The following ADAMTS17 variants were observed in gnomAD, a reference collection of about 807,000 sequenced individuals.
ADAMTS17 encodes the protein A disintegrin and metalloproteinase with thrombospondin motifs 17.
ADAMTS17 carries 113 observed loss-of-function variants against 141.5 expected under a neutral mutation model. That is an observed-to-expected ratio of 0.80 (90% CI 0.69 to 0.93). ADAMTS17 has a LOEUF of 0.93. Ranked by LOEUF, ADAMTS17 falls within the 40% of genes least tolerant of loss-of-function variation. The pLI, the probability that ADAMTS17 is intolerant of heterozygous loss-of-function variation, is 0.00. For missense variants in ADAMTS17, 1,659 were observed against 1,517.9 expected (o/e 1.09, Z -1.54); for synonymous variants, 768 against 630.6 (o/e 1.22, Z -3.27).
Position 100,096,359 on chromosome 15 carries a change from T to C in ADAMTS17, c.2134A>G (p.Thr712Ala). The change falls in exon 15 of 22, where the codon ACA becomes GCA. Residue 712 changes from threonine (T) to alanine (A), a missense_variant. Coordinates refer to ENST00000268070, the MANE Select transcript of ADAMTS17 (RefSeq NM_139057.4). ...AGCCCCATGGGCCAACACTCACCTG[T>C]CCCCCGGGCGTGGCTGAAGTCGCCC... Reference protein sequence around the residue: ...VKGDFSHARGTALKDSGKGSI... With the variant: ...VKGDFSHARGAALKDSGKGSI... The C allele has an allele frequency of 6.2e-7, 1 of 1,613,572 alleles. No individual in the cohort carries two copies.
In ADAMTS17 at chr15:100,341,882, C is replaced by T; in HGVS notation, c.18G>A (p.Leu6=). ...GCACGGGCAGGACGAGCGGAGGCAG[C>T]AGGGCGCCGTCACACATGGTACCCG... The part of the protein sequence containing the change: MCDGA[L]LPPLVLPVLL... The change falls in exon 1 of 22, where the codon CTG becomes CTA. Residue 6 remains leucine, a synonymous_variant. Transcript: ENST00000268070. 1 of 1,551,586 alleles carries T rather than the reference C, an allele frequency of 6.4e-7. No individual in the cohort carries two copies. Among genetic ancestry groups the T allele is most frequent in the East Asian group, 2.4e-5 (1 of 40,964 alleles).
intron 18 of ADAMTS17, among the ~76,000 whole-genome samples, chr15:100,021,301 C>G (rs149582534): frequency 6.0e-4 from 92 of 152,252 alleles, no homozygotes; most frequent in African/African-American, 2.2e-3. Flanking sequence ...AAAGACCAGA[C>G]ATGCAGGGTT....
intron 18 of ADAMTS17, among the ~76,000 whole-genome samples, chr15:100,043,388 C>T (rs747737187): frequency 2.6e-5 from 4 of 152,158 alleles, no homozygotes; most frequent in Non-Finnish European, 4.4e-5. Context: ...AGGCAGAAAT[C>T]GAATATTTAT....
chr15:100,065,669 AG>A (rs1281665357), intron 15 of ADAMTS17, among the ~76,000 whole-genome samples: 1 of 152,224 alleles, frequency 6.6e-6, no homozygotes, highest in African/African-American at 2.4e-5. Flanking sequence ...CTGTGAGAAC[AG>A]GATAGGTATC....
intron 18 of ADAMTS17, among the ~76,000 whole-genome samples, chr15:100,007,389 C>T (rs1467566020): frequency 6.7e-6 from 1 of 150,268 alleles, no homozygotes; most frequent in Non-Finnish European, 1.5e-5. Flanking sequence ...GCAGTGGTGG[C>T]AAGGGGACAA....
At chr15:100,080,980 G>A (rs2034695460) in intron 15 of ADAMTS17, among the ~76,000 whole-genome samples, 1 of 152,150 alleles carries the variant, frequency 6.6e-6, no homozygotes, top group Non-Finnish European at 1.5e-5. Flanking sequence ...TGTGATGGTT[G>A]ATACTGAGTG....
In ADAMTS17 at chr15:99,993,522, C is replaced by T. The variant is rs1016012957; in HGVS notation, c.2797-322G>A. 6.6e-6 allele frequency among the ~76,000 whole-genome samples: 1 copy of T among 152,080 alleles called. No individual in the cohort carries two copies. The highest frequency in any genetic ancestry group is 2.4e-5 in the African/African-American group (1 of 41,400). On this transcript the variant is annotated intron_variant, in intron 19 of 21. Coordinates refer to ENST00000268070, the MANE Select transcript of ADAMTS17 (RefSeq NM_139057.4). The surrounding 1 kb of genome is among the most constrained non-coding windows in gnomAD (Gnocchi z 4.3). ...AAAAGCTCAAGGCAATACGTGAGCT[C>T]GAAGGGCAGGTGTGTGATGGAGCCA... is the stretch of plus-strand genomic sequence containing the variant.
intron 12 of ADAMTS17, among the ~76,000 whole-genome samples, chr15:100,122,415 G>T (rs1005921056): frequency 1.3e-5 from 2 of 152,102 alleles, no homozygotes; most frequent in African/African-American, 4.8e-5. Flanking sequence ...ATTGCTATGC[G>T]GCAGGACCCC....
intron 3 of ADAMTS17, among the ~76,000 whole-genome samples, chr15:100,296,510 C>A (rs796765813): frequency 1.3e-5 from 2 of 151,692 alleles, no homozygotes; most frequent in African/African-American, 4.8e-5. Context: ...TAAAAGGCAT[C>A]TTTTTCATGT....
At chr15:100,131,623 C>CT (rs2038049157) in intron 12 of ADAMTS17, among the ~76,000 whole-genome samples, 1 of 152,216 alleles carries the variant, frequency 6.6e-6, no homozygotes, top group African/African-American at 2.4e-5. Context: ...CACCCAGACA[C>CT]TCTGTGACTC....
At chr15:100,209,130 A>AG (rs5814955) in intron 7 of ADAMTS17, among the ~76,000 whole-genome samples, 1 of 91,928 alleles carries the variant, frequency 1.1e-5, no homozygotes, top group Non-Finnish European at 2.2e-5. Context: ...AAAAAAAAAA[A>AG]AAAGGAAGAA....
chr15:100,139,101 C>T (rs747003165), intron 10 of ADAMTS17, among the ~76,000 whole-genome samples: 11 of 151,606 alleles, frequency 7.3e-5, no homozygotes, highest in Non-Finnish European at 1.5e-4. Context: ...ACAGAAAAGC[C>T]AACGAAAAAT....
In ADAMTS17 at chr15:100,265,841, C is replaced by T. The variant is rs79313784; in HGVS notation, c.790-3406G>A. Among the ~76,000 whole-genome samples the T allele has an allele frequency of 7.8e-3, 1,189 of 152,332 alleles. 17 individuals carry two copies. The highest frequency in any genetic ancestry group is 0.027 in the African/African-American group (1,124 of 41,568). ...AGCAGCAGCACCAACATGACCTGGG[C>T]ACTTGTTGGAAATGCACATTCTGGA... is the stretch of plus-strand genomic sequence containing the variant. On this transcript the variant is annotated intron_variant, in intron 4 of 21. Transcript: ENST00000268070.
intron 18 of ADAMTS17, among the ~76,000 whole-genome samples, chr15:100,011,115 T>G (rs1346492679): frequency 6.6e-6 from 1 of 151,006 alleles, no homozygotes; most frequent in Admixed American, 6.6e-5. Context: ...AAATCCTGTA[T>G]AAAAAACACT....
chr15:100,009,322 T>A (rs2061109579), intron 18 of ADAMTS17, among the ~76,000 whole-genome samples: 3 of 152,100 alleles, frequency 2.0e-5, no homozygotes, highest in Admixed American at 2.0e-4. Context: ...TTCAGGGGCT[T>A]TCTTTTTTTA....
intron 12 of ADAMTS17, among the ~76,000 whole-genome samples, chr15:100,127,471 T>G (rs2141212157): frequency 6.6e-6 from 1 of 152,348 alleles, no homozygotes; most frequent in African/African-American, 2.4e-5. Context: ...TGCTGACACC[T>G]TGATTTTGGA....
intron 18 of ADAMTS17, among the ~76,000 whole-genome samples, chr15:100,002,290 C>T (rs1347427182): frequency 6.6e-6 from 1 of 151,986 alleles, no homozygotes; most frequent in African/African-American, 2.4e-5. Context: ...GTGAAAACGG[C>T]TTTGAGTCTG....
chr15:100,208,010 G>A (rs931024076), intron 7 of ADAMTS17, among the ~76,000 whole-genome samples: 12 of 152,108 alleles, frequency 7.9e-5, no homozygotes, highest in Non-Finnish European at 1.6e-4. Context: ...CTGAAGAATC[G>A]GAGGCTAAAA....
chr15:100,296,377 A>G (rs1192019083), intron 3 of ADAMTS17, among the ~76,000 whole-genome samples: 1 of 152,206 alleles, frequency 6.6e-6, no homozygotes, highest in Admixed American at 6.5e-5. Context: ...CCACAGCTGC[A>G]TAAATCCAAC....
Sources: allele counts gnomAD v4.1 joint callset (sites outside exome capture counted in the v4.1 genomes callset), GRCh38; gene constraint gnomAD v4.1.1; non-coding constraint Gnocchi (gnomAD v3.1); transcripts MANE v1.5; gene names NCBI Gene and HGNC (gene_info 2026-07-23, HGNC 2026-07-21).